The following TMCO6 variants were observed in gnomAD, a reference collection of about 807,000 sequenced individuals.
TMCO6 encodes the protein transmembrane and coiled-coil domains 6.
TMCO6 carries 47 observed loss-of-function variants against 61.8 expected under a neutral mutation model. The ratio of observed to expected loss-of-function variants is 0.76; its 90% CI spans 0.60 to 0.97. TMCO6 has a LOEUF of 0.97. Ranked by LOEUF, TMCO6 falls within the 50% of genes least tolerant of loss-of-function variation. TMCO6 has a pLI of 0.00. For synonymous variants in TMCO6, 261 were observed against 254.2 expected (o/e 1.03, Z -0.25); for missense variants, 557 against 601.6 (o/e 0.93, Z 0.78).
At chr5:140,634,642 T>C (rs1756723307), upstream of TMCO6, among the ~76,000 whole-genome samples, 1 of 151,488 alleles carries the variant, frequency 6.6e-6, no homozygotes, top group Non-Finnish European at 1.5e-5. Context: ...CCCACCACCA[T>C]GCCCGGCTAA....
In TMCO6 at chr5:140,642,380, G is replaced by A; in HGVS notation, c.564G>A (p.Leu188=). 2 of 1,613,828 alleles carry A rather than the reference G, an allele frequency of 1.2e-6. No individual in the cohort carries two copies. Among genetic ancestry groups the A allele is most frequent in the Non-Finnish European group, 1.7e-6 (2 of 1,179,866 alleles). The change falls in exon 5 of 12, where the codon CTG becomes CTA. Residue 188 remains leucine, a synonymous_variant. Coordinates refer to ENST00000394671, the MANE Select transcript of TMCO6 (RefSeq NM_018502.5). The stretch of plus-strand genomic sequence containing the variant: ...GTGAGGCTGTGAGAAGGCAGCTCCT[G>A]CCACAGGGCATTGTTCCAGCCTTGG... ...VESEAVRRQL[L]PQGIVPALAA...
At chr5:140,631,727 G>T in the TMCO6 span, 15 of 861,424 alleles carry the variant, frequency 1.7e-5, no homozygotes, top group Non-Finnish European at 2.8e-5. Flanking sequence ...TGAATGACAC[G>T]GACCCGTTGT....
the TMCO6 span, among the ~76,000 whole-genome samples, chr5:140,619,984 C>T: frequency 7.2e-5 from 11 of 152,290 alleles, no homozygotes; most frequent in East Asian, 5.8e-4. Context: ...ACAGTTTGGC[C>T]GTTTCTTACA....
intron 1 of TMCO6, 44 bp downstream of exon 1, chr5:140,639,656 A>G (rs201808767): frequency 6.5e-7 from 1 of 1,539,660 alleles, no homozygotes; most frequent in Non-Finnish European, 8.8e-7. Context: ...GCGGTCGGGG[A>G]TAAGTTGAGA....
chr5:140,641,897 C>A lies in TMCO6; in HGVS notation c.342C>A (p.Val114=). ...TGGAGGGCAGCATGCGGACCCTGGT[C>A]GGGCTCCTGACCAGCAACCAGGCCC... is the stretch of plus-strand genomic sequence containing the variant. ...IRLEGSMRTL[V]GLLTSNQALL... is the part of the protein sequence containing the mutation. Residue 114 remains valine, a synonymous_variant, in exon 4 of 12, where the codon GTC becomes GTA. Coordinates refer to ENST00000394671, the MANE Select transcript of TMCO6 (RefSeq NM_018502.5). The A allele has an allele frequency of 6.2e-7, 1 of 1,612,584 alleles. No homozygotes were observed. Among genetic ancestry groups the A allele is most frequent in the Non-Finnish European group, 8.5e-7 (1 of 1,178,886 alleles).
intron 10 of TMCO6, 63 bp downstream of exon 10, chr5:140,644,257 G>A: frequency 6.5e-7 from 1 of 1,540,250 alleles, no homozygotes. Context: ...CAGCAGTCCT[G>A]AGCCCTCAGA....
intron 10 of TMCO6, 26 bp from the exon 11 acceptor site, chr5:140,644,547 T>C: frequency 6.2e-7 from 1 of 1,606,660 alleles, no homozygotes; most frequent in Non-Finnish European, 8.5e-7. Context: ...TCATTCTTTG[T>C]AGACTATATA....
the TMCO6 span, chr5:140,633,789 CT>C: frequency 0.27 from 33,963 of 124,000 alleles, 3,496 homozygotes; most frequent in African/African-American, 0.33. Context: ...AACTTTCTTT[CT>C]TTTTTTTTTT....
the TMCO6 span, among the ~76,000 whole-genome samples, chr5:140,612,389 G>T: frequency 7.2e-6 from 1 of 138,762 alleles, no homozygotes; most frequent in Admixed American, 7.9e-5. Context: ...ACCCAGGCCG[G>T]AGTGCAGTGG....
At chr5:140,647,552 C>T (rs1022558681), downstream of TMCO6, 2 of 1,611,732 alleles carry the variant, frequency 1.2e-6, no homozygotes, top group Non-Finnish European at 1.7e-6. Flanking sequence ...CAGCTTTGCC[C>T]CGACTCCTCG....
rs1479993020 is a variant in TMCO6 at position 140,641,782 on chromosome 5, T to A, written c.314+2T>A. 1.2e-6 allele frequency: 2 copies of A among 1,614,016 alleles called. No homozygotes were observed. The highest frequency in any genetic ancestry group is 2.7e-5 in the African/African-American group (2 of 74,922). ...TGAAACACAGCAAACCTTCATCCGGTCAGTGTGGATGGTGTGGTGGAGGGA... is the reference window on the plus strand; with the variant it reads ...TGAAACACAGCAAACCTTCATCCGGACAGTGTGGATGGTGTGGTGGAGGGA... On this transcript the variant is annotated splice_donor_variant, in intron 3 of 11. Transcript: ENST00000394671. LOFTEE classifies it high-confidence loss of function.
chr5:140,642,628 T>C lies in TMCO6; in HGVS notation c.646T>C (p.Ser216Pro). Reference protein sequence around the residue: ...AVLEALGYALSQLLQAEEAPE... With the variant: ...AVLEALGYALPQLLQAEEAPE... ...GCTGGAAGCTCTCGGATATGCCTTG[T>C]CCCAGCTTCTACAGGCTGAGGAAGC... is the stretch of plus-strand genomic sequence containing the variant. Residue 216 changes from serine to proline, a missense_variant, in exon 6 of 12, where the codon TCC (serine) becomes CCC (proline). By Grantham distance (74) the Ser-to-Pro change is moderately conservative. Coordinates refer to ENST00000394671, the MANE Select transcript of TMCO6 (RefSeq NM_018502.5). The C allele has an allele frequency of 1.9e-6, 3 of 1,614,236 alleles. No individual in the cohort carries two copies. Among genetic ancestry groups the C allele is most frequent in the Non-Finnish European group, 1.7e-6 (2 of 1,180,036 alleles).
chr5:140,627,644 C>T, the TMCO6 span, among the ~76,000 whole-genome samples: 198 of 152,246 alleles, frequency 1.3e-3, 1 homozygote, highest in African/African-American at 4.4e-3. Context: ...AAACATTACA[C>T]ACACACAACA....
chr5:140,615,696 A>G, the TMCO6 span, among the ~76,000 whole-genome samples: 1 of 152,252 alleles, frequency 6.6e-6, no homozygotes, highest in Non-Finnish European at 1.5e-5. Flanking sequence ...TAGATAAAAG[A>G]AAGTCTTTTC....
At chr5:140,645,558 G>A, downstream of TMCO6, 1 of 1,613,658 alleles carries the variant, frequency 6.2e-7, no homozygotes, top group Non-Finnish European at 8.5e-7. Context: ...AGGCTCTGGG[G>A]CTGTTGCTCT....
chr5:140,610,945 GCTT>G, the TMCO6 span, among the ~76,000 whole-genome samples: 1 of 152,020 alleles, frequency 6.6e-6, no homozygotes, highest in Non-Finnish European at 1.5e-5. Flanking sequence ...TTTGTCAAAT[GCTT>G]CTTCTGCATT....
At chr5:140,639,365 G>A (rs1448479676), upstream of TMCO6, 27 of 662,306 alleles carry the variant, frequency 4.1e-5, no homozygotes, top group Admixed American at 3.1e-4. Context: ...CCCGCGAGGC[G>A]TCCACTCGCC....
At chr5:140,638,477 G>C (rs1756831580), upstream of TMCO6, among the ~76,000 whole-genome samples, 1 of 151,850 alleles carries the variant, frequency 6.6e-6, no homozygotes, top group Non-Finnish European at 1.5e-5. Context: ...TGTGTGGGGG[G>C]GAGTACTATG....
At position 140,644,665 on chromosome 5, in the gene TMCO6, A is replaced by G. The variant is rs199557418; in HGVS notation, c.1293A>G (p.Thr431=). 14 of 1,614,198 alleles carry G rather than the reference A, an allele frequency of 8.7e-6. No homozygotes were observed. The East Asian group carries it at 3.1e-4, about 36-fold the overall frequency. The change falls in exon 11 of 12, where the codon ACA becomes ACG. Residue 431 remains threonine, a synonymous_variant. Coordinates refer to ENST00000394671, the MANE Select transcript of TMCO6 (RefSeq NM_018502.5). ...PGPLLPALLH[T]LAFSDTEVVG... is the part of the protein sequence containing the mutation. ...CCCTGCTTCCCGCCTTGCTGCACACACTAGCCTTTTCTGACACTGAAGTAG... is the reference window on the plus strand; with the variant it reads ...CCCTGCTTCCCGCCTTGCTGCACACGCTAGCCTTTTCTGACACTGAAGTAG...
Sources: allele counts gnomAD v4.1 joint callset (sites outside exome capture counted in the v4.1 genomes callset), GRCh38; gene constraint gnomAD v4.1.1; transcripts MANE v1.5; gene names NCBI Gene and HGNC (gene_info 2026-07-23, HGNC 2026-07-21).